Variants in LRRC37A3 observed in about 807,000 individuals in gnomAD.
LRRC37A3 encodes the protein leucine-rich repeat-containing protein 37A3.
Under a neutral mutation model 106.2 loss-of-function variants are expected in LRRC37A3, and 25 were observed. The ratio of observed to expected loss-of-function variants is 0.24; its 90% confidence interval spans 0.17 to 0.33. LRRC37A3 has a LOEUF of 0.33. Among genes scored for constraint, LRRC37A3 ranks in the 10% least tolerant of loss-of-function variants. LRRC37A3 has a pLI of 1.00. For missense variants in LRRC37A3, 712 were observed against 1,644.9 expected, an observed-to-expected ratio of 0.43 and a Z score of 9.81; for synonymous variants, 305 against 635.8, an observed-to-expected ratio of 0.48 and a Z score of 7.83.
intron 10 of LRRC37A3, 27 bp from the exon 11 acceptor site, chr17:64,863,045 A>AT (rs1371935931): frequency 6.3e-7 from 1 of 1,597,376 alleles, no homozygotes; most frequent in African/African-American, 1.3e-5. Flanking sequence ...AGAGCAATAA[A>AT]TTAGCGGTAA....
Position 64,893,711 on chromosome 17 carries a change from G to A in LRRC37A3, c.2609+938C>T, listed in dbSNP as rs1324529865. Among the ~76,000 whole-genome samples the A allele has an allele frequency of 1.0e-4, 14 of 136,628 alleles. 2 individuals carry two copies. The highest frequency in any genetic ancestry group is 4.5e-4 in the African/African-American group (14 of 31,272). The allele number at this position is 136,628 out of a possible 152,430, so 89.6% of individuals were successfully genotyped here. A position where few individuals can be genotyped will look rare whatever the true frequency, so the allele number is the denominator to read the frequency against. On this transcript the variant is annotated intron_variant, in intron 4 of 14. Coordinates refer to ENST00000584306, the MANE Select transcript of LRRC37A3 (RefSeq NM_199340.5). ...GTCGCCCAGGCTGGAGTGCAGTGGT[G>A]CAATCTCGGCTCACTGCAAGCTCTG...
chr17:64,901,224 C>G (rs7214595), intron 2 of LRRC37A3: 1 of 150,966 alleles, frequency 6.6e-6, no homozygotes, highest in Non-Finnish European at 1.5e-5. Context: ...ACTTTATGAT[C>G]TTACAGATAG....
chr17:64,877,962 A>C (rs909204645), intron 8 of LRRC37A3, among the ~76,000 whole-genome samples: 1 of 152,120 alleles, frequency 6.6e-6, no homozygotes, highest in African/African-American at 2.4e-5. Context: ...TGTGCAAAAT[A>C]ATGAAGGTGG....
At chr17:64,868,234 T>C (rs2143433945) in intron 10 of LRRC37A3, among the ~76,000 whole-genome samples, 1 of 152,292 alleles carries the variant, frequency 6.6e-6, no homozygotes, top group Non-Finnish European at 1.5e-5. Flanking sequence ...TGGGATTGCC[T>C]ACAAAGGGAC....
rs1212632222 is a variant in LRRC37A3 at position 64,854,348 on chromosome 17, T to C, written c.*251A>G. 3.1e-5 allele frequency: 19 copies of C among 616,968 alleles called. No homozygotes were observed. The highest frequency in any genetic ancestry group is 2.8e-5 in the Non-Finnish European group (10 of 352,208). The allele number at this position is 616,968 out of a possible 1,614,324, so 38.2% of individuals were successfully genotyped here. A position where few individuals can be genotyped will look rare whatever the true frequency, so the allele number is the denominator to read the frequency against. ...GTATGTGGTATTATATGACTGGTGCTTGATGAACCAAGGGAGAGGGCACCA... is the reference window on the plus strand; with the variant it reads ...GTATGTGGTATTATATGACTGGTGCCTGATGAACCAAGGGAGAGGGCACCA... On this transcript the variant is annotated 3_prime_UTR_variant, in exon 15 of 15. Transcript: ENST00000584306.
At chr17:64,882,773 C>T (rs1973747047) in intron 8 of LRRC37A3, among the ~76,000 whole-genome samples, 1 of 152,068 alleles carries the variant, frequency 6.6e-6, no homozygotes, top group Admixed American at 6.6e-5. Flanking sequence ...AGGGATAAAG[C>T]CTGGATTTTC....
At chr17:64,881,679 G>A (rs1261674173) in intron 8 of LRRC37A3, among the ~76,000 whole-genome samples, 6 of 146,966 alleles carry the variant, frequency 4.1e-5, no homozygotes, top group Non-Finnish European at 8.9e-5. Context: ...GTCACTTTCT[G>A]GTGAAGTGAC....
intron 2 of LRRC37A3, among the ~76,000 whole-genome samples, chr17:64,915,445 T>C (rs1337349024): frequency 6.6e-6 from 1 of 152,270 alleles, no homozygotes; most frequent in African/African-American, 2.4e-5. Flanking sequence ...ACTGCAGTGT[T>C]CATAAAGTTT....
In LRRC37A3 at chr17:64,858,803, C is replaced by G. The variant is rs765149495; in HGVS notation, c.4785G>C (p.Leu1595Phe). 15 of 1,611,028 alleles carry G rather than the reference C, an allele frequency of 9.3e-6. No homozygotes were observed. In the African/African-American group the frequency reaches 1.7e-4, roughly 19 times the overall value. Reference sequence around the variant, plus strand: ...CCTCAATGAGGCAGAGAAGTATAATCAAAATCGTTAGTATTCCAGTCACAA... The same window carrying G: ...CCTCAATGAGGCAGAGAAGTATAATGAAAATCGTTAGTATTCCAGTCACAA... ...ALIVTGILTILIILLCLIEIC... is the reference protein window; with the variant it reads ...ALIVTGILTIFIILLCLIEIC... The change falls in exon 13 of 15, where the codon TTG (leucine) becomes TTC (phenylalanine). Residue 1595 changes from leucine (L) to phenylalanine (F), a missense_variant. Leu to Phe is a conservative substitution (Grantham distance 22). Coordinates refer to ENST00000584306, the MANE Select transcript of LRRC37A3 (RefSeq NM_199340.5).
chr17:64,913,156 G>A (rs1974627172), intron 2 of LRRC37A3, among the ~76,000 whole-genome samples: 1 of 151,342 alleles, frequency 6.6e-6, no homozygotes, highest in African/African-American at 2.4e-5. Context: ...AGCCTCCCAA[G>A]TACTTGGGAT....
intron 11 of LRRC37A3, among the ~76,000 whole-genome samples, chr17:64,862,117 A>AG (rs1299274610): frequency 6.6e-6 from 1 of 152,120 alleles, no homozygotes; most frequent in East Asian, 1.9e-4. Context: ...AAAAAAAAAA[A>AG]AAAAGTTTTG....
intron 14 of LRRC37A3, among the ~76,000 whole-genome samples, chr17:64,854,850 T>G (rs1334593625): frequency 6.6e-6 from 1 of 152,212 alleles, no homozygotes; most frequent in African/African-American, 2.4e-5. Context: ...TTTGTACATA[T>G]CTTTAAGCCA....
intron 8 of LRRC37A3, among the ~76,000 whole-genome samples, chr17:64,875,873 T>A (rs969031207): frequency 6.6e-6 from 1 of 152,060 alleles, no homozygotes; most frequent in East Asian, 1.9e-4. Flanking sequence ...TATATAAAGA[T>A]GTAATGTGTG....
At chr17:64,861,081 G>C (rs967626705) in intron 11 of LRRC37A3, 108 bp from the exon 12 acceptor site, 5 of 1,566,568 alleles carry the variant, frequency 3.2e-6, no homozygotes, top group African/African-American at 1.4e-5. Context: ...GCAAACATTC[G>C]AGTGCCATTC....
rs578242649 is a variant in LRRC37A3, at chr17:64,882,504, C to T, written c.2906+3582G>A. Among the ~76,000 whole-genome samples, 26 of 152,280 alleles carry T rather than the reference C, an allele frequency of 1.7e-4. No individual in the cohort carries two copies. The South Asian group carries it at 2.3e-3, about 13-fold the overall frequency. On this transcript the variant is annotated intron_variant, in intron 8 of 14. Transcript: ENST00000584306. ...CCTAAATCACCCCAAAGGACAGACT[C>T]GAGTTGTTCTTTTTGTCTTTAATGT...
At chr17:64,872,210 C>CAAAAAAAAAAAAAA (rs60703427) in intron 8 of LRRC37A3, among the ~76,000 whole-genome samples, 1 of 61,864 alleles carries the variant, frequency 1.6e-5, no homozygotes, top group Admixed American at 1.8e-4. Flanking sequence ...AAAAAATAGC[C>CAAAAAAAAAAAAAA]AAAAAAAAAA....
intron 14 of LRRC37A3, 70 bp downstream of exon 14, chr17:64,855,769 TC>T (rs1972656946): frequency 6.2e-7 from 1 of 1,604,316 alleles, no homozygotes; most frequent in Non-Finnish European, 8.5e-7. Context: ...GTCATTGCAC[TC>T]CAGCCTGGCA....
chr17:64,916,613 TAAAAA>T lies in LRRC37A3; in HGVS notation c.-496+2132_-496+2136del, dbSNP rs3972255. ...CAACATATCAAAACCCCATCTCTAT[TAAAAA>T]AAAAAAAAAAAAAAAACTAGCCAGG... On this transcript the variant is annotated intron_variant, in intron 2 of 14. Transcript: ENST00000584306. Among the ~76,000 whole-genome samples, 6 of 96,878 alleles carry T rather than the reference TAAAAA, an allele frequency of 6.2e-5. No homozygotes were observed. In the East Asian group the frequency reaches 1.9e-3, roughly 31 times the overall value. The allele number at this position is 96,878 out of a possible 152,430, so 63.6% of individuals were successfully genotyped here.
chr17:64,899,870 G>A (rs1391564071), intron 2 of LRRC37A3: 2 of 150,984 alleles, frequency 1.3e-5, no homozygotes, highest in East Asian at 1.9e-4. Flanking sequence ...CAGAGCCAAG[G>A]GTCAAGACTT....
Sources: gnomAD v4.1 joint callset for allele counts (sites outside exome capture counted in the v4.1 genomes callset) on GRCh38, gnomAD v4.1.1 for gene constraint, MANE v1.5 for transcripts, NCBI Gene and HGNC (gene_info 2026-07-23, HGNC 2026-07-21) for gene names.